The following MLN variants were observed in gnomAD, a reference collection of about 807,000 sequenced individuals.
The protein encoded by MLN is promotilin.
Under a neutral mutation model 13.3 loss-of-function variants are expected in MLN, and 14 were observed. The observed-to-expected ratio is 1.05, with a 90% CI of 0.69 to 1.64. The LOEUF (loss-of-function observed/expected upper bound fraction) is 1.64. MLN is among the 40% of genes most tolerant of loss of function. The pLI is 0.00. For synonymous variants in MLN, 59 were observed against 54.7 expected, an observed-to-expected ratio of 1.08 and a Z score of -0.34; for missense variants, 122 against 142.9, an observed-to-expected ratio of 0.85 and a Z score of 0.75.
At chr6:33,800,027 T>A (rs1213039623) in intron 2 of MLN, among the ~76,000 whole-genome samples, 1 of 152,124 alleles carries the variant, frequency 6.6e-6, no homozygotes, top group Non-Finnish European at 1.5e-5. Context: ...CCTGCTGCAG[T>A]ACCTACCCAG....
intron 2 of MLN, among the ~76,000 whole-genome samples, chr6:33,800,288 A>G (rs1768012921): frequency 6.6e-6 from 1 of 152,230 alleles, no homozygotes; most frequent in African/African-American, 2.4e-5. Context: ...GGAACCAAAC[A>G]TCTGCATAGA....
At chr6:33,801,201 A>G in intron 1 of MLN, 31 bp from the exon 2 acceptor site, 1 of 1,544,430 alleles carries the variant, frequency 6.5e-7, no homozygotes, top group Non-Finnish European at 8.9e-7. Flanking sequence ...CTTGTCACTA[A>G]GTTTGGGGTA....
intron 2 of MLN, among the ~76,000 whole-genome samples, chr6:33,800,804 A>G (rs1024502129): frequency 1.6e-4 from 25 of 152,222 alleles, no homozygotes; most frequent in African/African-American, 5.8e-4. Context: ...CAGCTCGGTA[A>G]ATATTTATTG....
At chr6:33,800,235 G>C (rs1768011625) in intron 2 of MLN, among the ~76,000 whole-genome samples, 1 of 152,180 alleles carries the variant, frequency 6.6e-6, no homozygotes, top group South Asian at 2.1e-4. Flanking sequence ...TTTCAGACAG[G>C]GTGGAGCATG....
In MLN at chr6:33,799,960, T is replaced by C. The variant is rs1003198961; in HGVS notation, c.118-739A>G. On this transcript the variant is annotated intron_variant, in intron 2 of 4. Coordinates refer to ENST00000430124, the MANE Select transcript of MLN (RefSeq NM_002418.3). This position sits in a 1 kb window ranked among gnomAD's most constrained non-coding sequence, Gnocchi z 4.6. ...GGCCTGCCCTGAGACGTGGTGATTCTAGAACAAACAGTCATCCTGTGGGGA... is the reference window on the plus strand; with the variant it reads ...GGCCTGCCCTGAGACGTGGTGATTCCAGAACAAACAGTCATCCTGTGGGGA... Among the ~76,000 whole-genome samples, 2 of 152,184 alleles carry C rather than the reference T, an allele frequency of 1.3e-5. No homozygotes were observed. Among genetic ancestry groups the C allele is most frequent in the Non-Finnish European group, 2.9e-5 (2 of 68,036 alleles).
rs1406062776 is a variant in MLN, at chr6:33,799,308, C to G, written c.118-87G>C. 34 of 904,442 alleles carry G rather than the reference C, an allele frequency of 3.8e-5. No individual in the cohort carries two copies. In the Middle Eastern group the frequency reaches 6.7e-4, roughly 18 times the overall value. 56.0% of individuals were successfully genotyped at this position (904,442 alleles called of 1,614,324 possible). A position where few individuals can be genotyped will look rare whatever the true frequency, so the allele number is the denominator to read the frequency against. On this transcript the variant is annotated intron_variant, in intron 2 of 4. Coordinates refer to ENST00000430124, the MANE Select transcript of MLN (RefSeq NM_002418.3). The surrounding 1 kb of genome is among the most constrained non-coding windows in gnomAD (Gnocchi z 4.6). ...TGCCTGTCTCCATCTGCCCAGGGTG[C>G]TGTCTGCCCTGAGCTCCCTACAGAC...
Position 33,799,240 on chromosome 6 carries a change from A to G in MLN, c.118-19T>C, listed in dbSNP as rs763292177. 2 of 1,591,738 alleles carry G rather than the reference A, an allele frequency of 1.3e-6. No individual in the cohort carries two copies. The highest frequency in any genetic ancestry group is 1.7e-5 in the Admixed American group (1 of 59,566). On this transcript the variant is annotated intron_variant, in intron 2 of 4. Coordinates refer to ENST00000430124, the MANE Select transcript of MLN (RefSeq NM_002418.3). The surrounding 1 kb of genome is among the most constrained non-coding windows in gnomAD (Gnocchi z 4.6). ...CCTTTTCCTAGGGGCAGAACAGAAAATTGCACAAAACCGCCCTCCCTCAAC... is the reference window on the plus strand; with the variant it reads ...CCTTTTCCTAGGGGCAGAACAGAAAGTTGCACAAAACCGCCCTCCCTCAAC...
Position 33,795,555 on chromosome 6 carries a change from T to C in MLN, c.285A>G (p.Glu95=), listed in dbSNP as rs1027814578. 6 of 1,567,776 alleles carry C rather than the reference T, an allele frequency of 3.8e-6. No individual in the cohort carries two copies. The highest frequency in any genetic ancestry group is 5.2e-6 in the Non-Finnish European group (6 of 1,154,686). The stretch of plus-strand genomic sequence containing the variant: ...GCCCTTCCAGGGTGGCCGGGTACTT[T>C]TCCAGCTGTCTGGAGTTCATCCTCA... The part of the protein sequence containing the change: ...IGMRMNSRQL[E]KYPATLEGLL... Residue 95 remains glutamate (E), a synonymous_variant, in exon 4 of 5, where the codon GAA becomes GAG. Transcript: ENST00000430124.
chr6:33,802,669 C>T (rs74734937), intron 1 of MLN, among the ~76,000 whole-genome samples: 2,985 of 152,308 alleles, frequency 0.02, 72 homozygotes, highest in African/African-American at 0.064. Flanking sequence ...GCTCAGACAG[C>T]GAAAGCCTCC....
chr6:33,798,874 CTCAG>C (rs1186402764), intron 3 of MLN, among the ~76,000 whole-genome samples: 3 of 152,176 alleles, frequency 2.0e-5, no homozygotes, highest in African/African-American at 7.2e-5. Context: ...CCAAACCCCA[CTCAG>C]TCACTCTCCT....
In MLN at chr6:33,799,045, A is replaced by C; in HGVS notation, c.234+60T>G. The C allele has an allele frequency of 8.2e-7, 1 of 1,220,950 alleles. No individual in the cohort carries two copies. The allele number at this position is 1,220,950 out of a possible 1,614,324, so 75.6% of individuals were successfully genotyped here. On this transcript the variant is annotated intron_variant, in intron 3 of 4. Transcript: ENST00000430124. The surrounding 1 kb of genome is among the most constrained non-coding windows in gnomAD (Gnocchi z 4.6). Reference sequence around the variant, plus strand: ...GGCTTGTGGGCTCTGCCTCCAGGCCAGGCAGGGGAATGCATGCCCTGCTCT... The same window carrying C: ...GGCTTGTGGGCTCTGCCTCCAGGCCCGGCAGGGGAATGCATGCCCTGCTCT...
chr6:33,802,593 T>A (rs3806109), intron 1 of MLN, among the ~76,000 whole-genome samples: 2 of 152,012 alleles, frequency 1.3e-5, no homozygotes, highest in South Asian at 4.1e-4. Context: ...CTATTCCAGC[T>A]CTCTCTTCTT....
chr6:33,794,920 G>A, intron 4 of MLN, 85 bp from the exon 5 acceptor site: 1 of 1,549,832 alleles, frequency 6.5e-7, no homozygotes. Flanking sequence ...GCAGGTCGGA[G>A]GGAGGAGGGG....
chr6:33,802,381 TCCCCAGGCAG>T (rs1244511691), intron 1 of MLN, among the ~76,000 whole-genome samples: 1 of 151,966 alleles, frequency 6.6e-6, no homozygotes, highest in Non-Finnish European at 1.5e-5. Flanking sequence ...GCTCCTCCAG[TCCCCAGGCAG>T]CCTGGATTCT....
chr6:33,800,553 C>T (rs1377171543), intron 2 of MLN, among the ~76,000 whole-genome samples: 1 of 152,246 alleles, frequency 6.6e-6, no homozygotes. Flanking sequence ...TGCAGGCTTC[C>T]AAGCACGCTC....
In MLN at chr6:33,794,950, G is replaced by A. The variant is rs920532490; in HGVS notation, c.338-115C>T. 2.4e-5 allele frequency: 32 copies of A among 1,314,698 alleles called. No individual in the cohort carries two copies. In the East Asian group the frequency reaches 4.6e-4, roughly 19 times the overall value. The allele number at this position is 1,314,698 out of a possible 1,614,324, so 81.4% of individuals were successfully genotyped here. ...GAGGGGGCACAAGGGCAGGCTGGGC[G>A]GGAAGGTGGGAAGTTTTGCAAGGAG... On this transcript the variant is annotated intron_variant, in intron 4 of 4. Coordinates refer to ENST00000430124, the MANE Select transcript of MLN (RefSeq NM_002418.3).
At chr6:33,796,882 A>G (rs1767937668) in intron 3 of MLN, among the ~76,000 whole-genome samples, 1 of 152,192 alleles carries the variant, frequency 6.6e-6, no homozygotes, top group Admixed American at 6.5e-5. Context: ...GGCTTCATGG[A>G]CATACAATGT....
rs760576772 is a variant in MLN, at chr6:33,799,133, A to T, written c.206T>A (p.Ile69Asn). 157 of 1,609,706 alleles carry T rather than the reference A, an allele frequency of 9.8e-5. No homozygotes were observed. Among genetic ancestry groups the T allele is most frequent in the South Asian group, 3.5e-4 (32 of 90,744 alleles). ...EEGPVDPAEPIREEENEMIKL... is the reference protein window; with the variant it reads ...EEGPVDPAEPNREEENEMIKL... ...GATCATTTCGTTTTCTTCTTCCCTG[A>T]TGGGCTCCGCAGGGTCTACAGGACC... The change falls in exon 3 of 5, where the codon ATC (isoleucine) becomes AAC (asparagine). Residue 69 changes from isoleucine (I) to asparagine (N), a missense_variant. By Grantham distance (149) the Ile-to-Asn change is moderately radical. Coordinates refer to ENST00000430124, the MANE Select transcript of MLN (RefSeq NM_002418.3). The surrounding 1 kb of genome is among the most constrained non-coding windows in gnomAD (Gnocchi z 4.6).
intron 2 of MLN, 27 bp downstream of exon 2, chr6:33,801,020 G>A: frequency 6.5e-7 from 1 of 1,545,400 alleles, no homozygotes; most frequent in South Asian, 1.1e-5. Context: ...AGCCTTGCTA[G>A]CAGGGCAGGC....
Sources: allele counts gnomAD v4.1 joint callset (sites outside exome capture counted in the v4.1 genomes callset), GRCh38; gene constraint gnomAD v4.1.1; non-coding constraint Gnocchi (gnomAD v3.1); transcripts MANE v1.5; gene names NCBI Gene and HGNC (gene_info 2026-07-23, HGNC 2026-07-21).